WWC2: variants seen among roughly 807,000 people sequenced by gnomAD.
WWC2 encodes the protein protein WWC2.
A neutral mutation model predicts 138.5 loss-of-function variants in WWC2; 101 were observed. The ratio of observed to expected loss-of-function variants is 0.73; its 90% CI spans 0.62 to 0.86. The LOEUF (loss-of-function observed/expected upper bound fraction) is 0.86, where lower values mean the gene tolerates loss of function less well. WWC2 is among the 40% of genes least tolerant of loss of function. The probability of loss-of-function intolerance (pLI) is 0.00; values close to 1 mark genes in which losing one functional copy is unlikely to be tolerated. For synonymous variants in WWC2, 558 were observed against 538.4 expected (o/e 1.04, Z -0.50); for missense variants, 1,420 against 1,419.4 (o/e 1.00, Z -0.01).
chr4:183,195,700 C>G (rs986758098), intron 2 of WWC2, among the ~76,000 whole-genome samples: 1 of 152,132 alleles, frequency 6.6e-6, no homozygotes, highest in African/African-American at 2.4e-5. Flanking sequence ...GTCACCCTCT[C>G]AAAACCATCC....
chr4:183,288,000 C>G (rs766779984), intron 20 of WWC2, among the ~76,000 whole-genome samples: 1 of 152,194 alleles, frequency 6.6e-6, no homozygotes, highest in African/African-American at 2.4e-5. Flanking sequence ...ATGTGGAGTC[C>G]TTAGGCTCTG....
chr4:183,125,071 G>A (rs1732719822), intron 1 of WWC2, among the ~76,000 whole-genome samples: 1 of 152,206 alleles, frequency 6.6e-6, no homozygotes, highest in Admixed American at 6.5e-5. Context: ...CTTGTAATGT[G>A]TGGGACCGAT....
At chr4:183,288,548 T>A (rs1252585075) in intron 20 of WWC2, among the ~76,000 whole-genome samples, 1 of 152,200 alleles carries the variant, frequency 6.6e-6, no homozygotes, top group East Asian at 1.9e-4. Flanking sequence ...TGACTTCCTG[T>A]GCACTTCTGC....
rs960093059 is a variant in WWC2, at chr4:183,132,523, A to G, written c.131+32901A>G. Among the ~76,000 whole-genome samples, 267 of 149,258 alleles carry G rather than the reference A, an allele frequency of 1.8e-3. 2 individuals carry two copies. Among genetic ancestry groups the G allele is most frequent in the African/African-American group, 6.3e-3 (256 of 40,428 alleles). ...GGCTGGAGTGCTGTGGCGCGATCTCAGCTCACTGCAAGCTCCGCCTCCCGG... is the reference window on the plus strand; with the variant it reads ...GGCTGGAGTGCTGTGGCGCGATCTCGGCTCACTGCAAGCTCCGCCTCCCGG... On this transcript the variant is annotated intron_variant, in intron 1 of 22. Transcript: ENST00000403733.
chr4:183,294,343 G>T (rs1272994565), intron 21 of WWC2, among the ~76,000 whole-genome samples: 5 of 152,186 alleles, frequency 3.3e-5, no homozygotes, highest in African/African-American at 9.7e-5. Context: ...AATAGCCAAG[G>T]TACTTTGGAA....
chr4:183,229,320 A>G (rs1736171370), intron 4 of WWC2, among the ~76,000 whole-genome samples: 2 of 152,096 alleles, frequency 1.3e-5, no homozygotes, highest in South Asian at 4.1e-4. Flanking sequence ...TTAGTGAGTA[A>G]AACTTTGAAA....
At chr4:183,118,025 G>A (rs977476225) in intron 1 of WWC2, among the ~76,000 whole-genome samples, 1 of 151,578 alleles carries the variant, frequency 6.6e-6, no homozygotes, top group Non-Finnish European at 1.5e-5. Context: ...GTCTTGAACT[G>A]CTGACTTCGT....
At chr4:183,173,792 T>C (rs1224684573) in intron 1 of WWC2, among the ~76,000 whole-genome samples, 1 of 152,132 alleles carries the variant, frequency 6.6e-6, no homozygotes, top group African/African-American at 2.4e-5. Context: ...AGTAAATGTT[T>C]GTTGTTTTTA....
chr4:183,100,232 C>G (rs1743130939), intron 1 of WWC2, among the ~76,000 whole-genome samples: 1 of 152,240 alleles, frequency 6.6e-6, no homozygotes, highest in South Asian at 2.1e-4. Flanking sequence ...TGTCGTTAGT[C>G]TTCACCTGAA....
chr4:183,177,092 C>T (rs1230598974), intron 1 of WWC2, among the ~76,000 whole-genome samples: 1 of 152,208 alleles, frequency 6.6e-6, no homozygotes, highest in Middle Eastern at 3.4e-3. Flanking sequence ...GGAAGGAGGA[C>T]TAGAGCAATA....
Position 183,277,843 on chromosome 4 carries a change from A to G in WWC2, c.2563-2933A>G, listed in dbSNP as rs1220826491. Among the ~76,000 whole-genome samples, 4 of 150,286 alleles carry G rather than the reference A, an allele frequency of 2.7e-5. No individual in the cohort carries two copies. The East Asian group carries it at 5.8e-4, about 22-fold the overall frequency. ...TGATGGGGTTGTTTTTTTCTTGTAA[A>G]TTTGTTTGAGTTCATTGTAGATTCT... On this transcript the variant is annotated intron_variant, in intron 16 of 22. Transcript: ENST00000403733.
intron 1 of WWC2, among the ~76,000 whole-genome samples, chr4:183,169,385 T>C (rs982523210): frequency 1.3e-5 from 2 of 152,206 alleles, no homozygotes; most frequent in African/African-American, 4.8e-5. Flanking sequence ...CTGGAAAACC[T>C]GCTAGATGAA....
chr4:183,154,789 G>A (rs1339743852), intron 1 of WWC2, among the ~76,000 whole-genome samples: 2 of 152,112 alleles, frequency 1.3e-5, no homozygotes, highest in Non-Finnish European at 2.9e-5. Context: ...TAGTAGATAT[G>A]CCGTATAGCC....
At chr4:183,209,163 C>G in intron 4 of WWC2, 138 bp downstream of exon 4, 1 of 608,054 alleles carries the variant, frequency 1.6e-6, no homozygotes, top group Non-Finnish European at 2.9e-6. Flanking sequence ...AGTGGTCCTT[C>G]TACCTTGATG....
At chr4:183,153,943 C>T (rs778618582) in intron 1 of WWC2, among the ~76,000 whole-genome samples, 1 of 146,556 alleles carries the variant, frequency 6.8e-6, no homozygotes, top group Non-Finnish European at 1.5e-5. Flanking sequence ...TGTGCCTGGC[C>T]CAAACAGTCA....
intron 1 of WWC2, among the ~76,000 whole-genome samples, chr4:183,153,494 A>T (rs1733703317): frequency 6.6e-6 from 1 of 152,212 alleles, no homozygotes; most frequent in African/African-American, 2.4e-5. Flanking sequence ...ACTATAATTC[A>T]TACGTGTAAC....
intron 6 of WWC2, among the ~76,000 whole-genome samples, chr4:183,246,427 G>T (rs1736782375): frequency 6.6e-6 from 1 of 151,836 alleles, no homozygotes; most frequent in Admixed American, 6.6e-5. Flanking sequence ...ACTTGATGTT[G>T]GTTTTCAAAA....
chr4:183,121,825 GC>G (rs1732608599), intron 1 of WWC2, among the ~76,000 whole-genome samples: 2 of 116,122 alleles, frequency 1.7e-5, no homozygotes, highest in African/African-American at 6.6e-5. Flanking sequence ...TTGCTCTGTT[GC>G]CCAGGCTGGA....
chr4:183,243,416 ATT>A (rs1294889891), intron 5 of WWC2, among the ~76,000 whole-genome samples: 1 of 152,190 alleles, frequency 6.6e-6, no homozygotes, highest in Non-Finnish European at 1.5e-5. Context: ...TGGAAATATC[ATT>A]TGTTTTATTT....
Sources: gnomAD v4.1 joint callset for allele counts (sites outside exome capture counted in the v4.1 genomes callset) on GRCh38, gnomAD v4.1.1 for gene constraint, MANE v1.5 for transcripts, NCBI Gene and HGNC (gene_info 2026-07-23, HGNC 2026-07-21) for gene names.